ZNF831: variants seen among roughly 807,000 people sequenced by gnomAD.
ZNF831 encodes zinc finger protein 831.
A neutral mutation model predicts 95.8 loss-of-function variants in ZNF831; 59 were observed. That is an observed-to-expected ratio of 0.62 (90% CI 0.50 to 0.77). The LOEUF (loss-of-function observed/expected upper bound fraction) is 0.77, where lower values mean the gene tolerates loss of function less well. Ranked by LOEUF, ZNF831 falls within the 30% of genes least tolerant of loss-of-function variation. The pLI, the probability that ZNF831 is intolerant of heterozygous loss-of-function variation, is 0.00. For missense variants in ZNF831, 2,205 were observed against 2,164.0 expected (o/e 1.02, Z -0.38); for synonymous variants, 961 against 925.5 (o/e 1.04, Z -0.70).
upstream of ZNF831, among the ~76,000 whole-genome samples, chr20:59,163,706 G>A (rs769665818): frequency 4.6e-4 from 69 of 149,340 alleles, no homozygotes; most frequent in Non-Finnish European, 8.6e-4. Context: ...AGAGCTGAGC[G>A]GTGGCTCTTT....
At chr20:59,233,908 C>T (rs1442835787) in intron 4 of ZNF831, among the ~76,000 whole-genome samples, 1 of 152,216 alleles carries the variant, frequency 6.6e-6, no homozygotes, top group Non-Finnish European at 1.5e-5. Flanking sequence ...CACAGGCATG[C>T]AGCCACCCTC....
At chr20:59,154,613 C>A (rs1007572739) in intron 2 of ZNF831, among the ~76,000 whole-genome samples, 10 of 152,208 alleles carry the variant, frequency 6.6e-5, no homozygotes, top group African/African-American at 2.4e-4. Flanking sequence ...CCACTTGGAA[C>A]AAAACTTCTC....
chr20:59,222,604 C>G (rs1282457596), intron 4 of ZNF831, among the ~76,000 whole-genome samples: 2 of 152,108 alleles, frequency 1.3e-5, no homozygotes, highest in Admixed American at 6.5e-5. Flanking sequence ...AAAAAACAAG[C>G]CTTGTGAATT....
At chr20:59,142,301 C>G (rs1201190884) in intron 1 of ZNF831, among the ~76,000 whole-genome samples, 2 of 152,166 alleles carry the variant, frequency 1.3e-5, no homozygotes, top group African/African-American at 2.4e-5. Flanking sequence ...TGGTGGGAAG[C>G]ACTTGAGCTG....
chr20:59,249,847 A>C (rs768888549), intron 4 of ZNF831, among the ~76,000 whole-genome samples: 5 of 152,180 alleles, frequency 3.3e-5, no homozygotes, highest in Non-Finnish European at 1.5e-5. Flanking sequence ...CTAACAACCA[A>C]CAAGAGGTTA....
chr20:59,247,724 C>A (rs376415140), intron 4 of ZNF831, among the ~76,000 whole-genome samples: 11 of 152,300 alleles, frequency 7.2e-5, no homozygotes, highest in African/African-American at 2.4e-4. Context: ...TTTATAGACT[C>A]ATTTTTAACC....
At chr20:59,134,608 G>A (rs1979447389) in intron 1 of ZNF831, among the ~76,000 whole-genome samples, 1 of 152,210 alleles carries the variant, frequency 6.6e-6, no homozygotes, top group African/African-American at 2.4e-5. Context: ...CCCACCATGG[G>A]CCAAGCCAGA....
rs371178819 is a variant in ZNF831 at position 59,194,724 on chromosome 20, C to T, written c.3705C>T (p.Ser1235=). 6.3e-7 allele frequency: 1 copy of T among 1,585,530 alleles called. No homozygotes were observed. Among genetic ancestry groups the T allele is most frequent in the Non-Finnish European group, 8.6e-7 (1 of 1,168,072 alleles). ...GCAATGGAGGATGGACCTGGACAAG[C>T]CCTGGAGAAGGAGGGCCGGCGCAGA... ...PGSNGGWTWT[S]PGEGGPAQMS... The change falls in exon 2 of 6, where the codon AGC becomes AGT. Residue 1235 remains serine (S), a synonymous_variant. Coordinates refer to ENST00000371030, the MANE Select transcript of ZNF831 (RefSeq NM_178457.3).
At chr20:59,198,014 G>T (rs944143475) in intron 3 of ZNF831, among the ~76,000 whole-genome samples, 1 of 152,124 alleles carries the variant, frequency 6.6e-6, no homozygotes, top group African/African-American at 2.4e-5. Context: ...GAAGAGGATG[G>T]GTTGCCTCAT....
chr20:59,209,294 C>CATGAGTGTGCATGTGGGTA (rs2088048301), intron 4 of ZNF831, among the ~76,000 whole-genome samples: 1 of 152,188 alleles, frequency 6.6e-6, no homozygotes, highest in Admixed American at 6.5e-5. Flanking sequence ...ACTGAGTGCC[C>CATGAGTGTGCATGTGGGTA]ATGAGTGTGC....
intron 4 of ZNF831, among the ~76,000 whole-genome samples, chr20:59,230,218 AG>A (rs1256993731): frequency 6.6e-6 from 1 of 152,220 alleles, no homozygotes; most frequent in Non-Finnish European, 1.5e-5. Flanking sequence ...TGTCTCTGCT[AG>A]CCATGCTGTC....
intron 1 of ZNF831, among the ~76,000 whole-genome samples, chr20:59,176,473 TA>T (rs932259399): frequency 6.6e-6 from 1 of 152,052 alleles, no homozygotes. Context: ...GTACCTTAAT[TA>T]AAAAAATACA....
In ZNF831 at chr20:59,193,905, C is replaced by T. The variant is rs760393825; in HGVS notation, c.2886C>T (p.His962=). ...LPLPIPWGPR[H]SQDSLCSSGW... is the part of the protein sequence containing the mutation. ...TGCCCATTCCCTGGGGACCAAGGCA[C>T]AGCCAGGACTCTCTCTGCAGCAGTG... is the stretch of plus-strand genomic sequence containing the variant. The change falls in exon 2 of 6, where the codon CAC becomes CAT. Residue 962 remains histidine, a synonymous_variant. Transcript: ENST00000371030. The T allele has an allele frequency of 3.1e-6, 5 of 1,604,852 alleles. No individual in the cohort carries two copies. In the South Asian group the frequency reaches 5.6e-5, roughly 18 times the overall value.
Position 59,156,977 on chromosome 20 carries a change from C to T in ZNF831, c.-1280-2675C>T, listed in dbSNP as rs752099258. ...GGTAGGTGTATATATTTATGGGATACGTGGGATATTTGGATACAGGCATGC... is the reference window on the plus strand; with the variant it reads ...GGTAGGTGTATATATTTATGGGATATGTGGGATATTTGGATACAGGCATGC... On this transcript the variant is annotated intron_variant, in intron 2 of 7. Transcript: ENST00000637017. Among the ~76,000 whole-genome samples, 23 of 152,070 alleles carry T rather than the reference C, an allele frequency of 1.5e-4. 1 individual carries two copies. Among genetic ancestry groups the T allele is most frequent in the South Asian group, 8.3e-4 (4 of 4,802 alleles).
In ZNF831 at chr20:59,247,001, C is replaced by A. The variant is rs143068898; in HGVS notation, c.4028-5977C>A. Among the ~76,000 whole-genome samples the A allele has an allele frequency of 1.5e-3, 235 of 152,218 alleles. 1 individual carries two copies. Among genetic ancestry groups the A allele is most frequent in the African/African-American group, 5.0e-3 (209 of 41,524 alleles). ...TGAGAGGAATAAAACCTCTTTCTTC[C>A]ATCATTTTTAGCCATTTTTTTCGTA... On this transcript the variant is annotated intron_variant, in intron 4 of 5. Coordinates refer to ENST00000371030, the MANE Select transcript of ZNF831 (RefSeq NM_178457.3).
At chr20:59,138,142 A>T (rs929046296) in intron 1 of ZNF831, among the ~76,000 whole-genome samples, 1 of 152,234 alleles carries the variant, frequency 6.6e-6, no homozygotes, top group African/African-American at 2.4e-5. Flanking sequence ...AGACTAATTA[A>T]ATGATTGAAA....
Position 59,208,420 on chromosome 20 carries a change from C to A in ZNF831, c.4027+1364C>A, listed in dbSNP as rs1440195517. The stretch of plus-strand genomic sequence containing the variant: ...ACTCTCTGCTTTCTCGTTGGGCCGT[C>A]CTGTGACAGGCACAGGTGCCATCGA... On this transcript the variant is annotated intron_variant, in intron 4 of 5. Coordinates refer to ENST00000371030, the MANE Select transcript of ZNF831 (RefSeq NM_178457.3). The surrounding 1 kb of genome is among the most constrained non-coding windows in gnomAD (Gnocchi z 4.2). 1.3e-5 allele frequency among the ~76,000 whole-genome samples: 2 copies of A among 152,206 alleles called. No homozygotes were observed. Among genetic ancestry groups the A allele is most frequent in the Non-Finnish European group, 2.9e-5 (2 of 68,040 alleles).
intron 4 of ZNF831, among the ~76,000 whole-genome samples, chr20:59,251,245 G>A (rs895019223): frequency 1.3e-5 from 2 of 152,172 alleles, no homozygotes; most frequent in East Asian, 1.9e-4. Context: ...AATTGATTGA[G>A]TGCCCAGCCA....
At chr20:59,135,919 A>T (rs1450217711) in intron 1 of ZNF831, among the ~76,000 whole-genome samples, 2 of 152,146 alleles carry the variant, frequency 1.3e-5, no homozygotes, top group African/African-American at 4.8e-5. Context: ...GGCTGCAGTG[A>T]TCCATGATGG....
Sources: gnomAD v4.1 joint callset for allele counts (sites outside exome capture counted in the v4.1 genomes callset) on GRCh38, gnomAD v4.1.1 for gene constraint, Gnocchi (gnomAD v3.1) non-coding constraint, MANE v1.5 for transcripts, NCBI Gene and HGNC (gene_info 2026-07-23, HGNC 2026-07-21) for gene names.